The following ZFPM2 variants were observed in gnomAD, a reference collection of about 807,000 sequenced individuals.
ZFPM2 encodes zinc finger protein ZFPM2.
Under a neutral mutation model 98.6 loss-of-function variants are expected in ZFPM2, and 20 were observed. The ratio of observed to expected loss-of-function variants is 0.20; its 90% CI spans 0.14 to 0.29. The LOEUF (loss-of-function observed/expected upper bound fraction) is 0.29. Ranked by LOEUF, ZFPM2 falls within the 10% of genes least tolerant of loss-of-function variation. ZFPM2 has a pLI of 1.00. For synonymous variants in ZFPM2, 518 were observed against 502.7 expected (o/e 1.03, Z -0.41); for missense variants, 1,310 against 1,388.6 (o/e 0.94, Z 0.90).
At chr8:105,347,608 GAC>G (rs1812562946) in intron 1 of ZFPM2, among the ~76,000 whole-genome samples, 1 of 152,042 alleles carries the variant, frequency 6.6e-6, no homozygotes, top group African/African-American at 2.4e-5. Flanking sequence ...AGCCAGCAGT[GAC>G]ACACACAACC....
rs531741349 is a variant in ZFPM2, at chr8:105,658,306, C to T, written c.532+23949C>T. On this transcript the variant is annotated intron_variant, in intron 5 of 7. Coordinates refer to ENST00000407775, the MANE Select transcript of ZFPM2 (RefSeq NM_012082.4). ...GTCAGTCTTTAGAAATCAAAGCAGA[C>T]GGCCGGGCGCGGTGGCTCACGCCTG... Among the ~76,000 whole-genome samples, 5 of 123,170 alleles carry T rather than the reference C, an allele frequency of 4.1e-5. 2 individuals are homozygous for T. The highest frequency in any genetic ancestry group is 8.7e-5 in the Non-Finnish European group (5 of 57,666). The allele number at this position is 123,170 out of a possible 152,430, so 80.8% of individuals were successfully genotyped here.
At chr8:105,408,177 C>G (rs1219773840) in intron 1 of ZFPM2, among the ~76,000 whole-genome samples, 2 of 152,008 alleles carry the variant, frequency 1.3e-5, no homozygotes, top group Non-Finnish European at 2.9e-5. Context: ...CACACCCTAC[C>G]CGCTCTCCTA....
chr8:105,566,560 T>A (rs989984123), intron 4 of ZFPM2, among the ~76,000 whole-genome samples: 1 of 152,172 alleles, frequency 6.6e-6, no homozygotes, highest in African/African-American at 2.4e-5. Context: ...ATCCTTGCAA[T>A]AAACTAAATC....
At chr8:105,538,048 T>G (rs1414402386) in intron 3 of ZFPM2, among the ~76,000 whole-genome samples, 1 of 152,158 alleles carries the variant, frequency 6.6e-6, no homozygotes, top group Non-Finnish European at 1.5e-5. Flanking sequence ...TGCTAATAGA[T>G]GTATCACCCC....
intron 5 of ZFPM2, among the ~76,000 whole-genome samples, chr8:105,656,896 G>A (rs890757697): frequency 1.3e-5 from 2 of 152,160 alleles, no homozygotes; most frequent in Non-Finnish European, 2.9e-5. Context: ...AACAAAGAGA[G>A]TTTGGGAATC....
intron 4 of ZFPM2, among the ~76,000 whole-genome samples, chr8:105,626,707 T>C (rs1454202610): frequency 1.3e-5 from 2 of 152,184 alleles, no homozygotes; most frequent in Non-Finnish European, 2.9e-5. Context: ...ATATGCTTTA[T>C]AGCTGAGAGA....
chr8:105,378,400 C>T (rs768250858), intron 1 of ZFPM2, among the ~76,000 whole-genome samples: 1 of 152,168 alleles, frequency 6.6e-6, no homozygotes, highest in Admixed American at 6.5e-5. Flanking sequence ...CTTGTCTGAA[C>T]TCTCAGAAGG....
At chr8:105,455,988 A>C (rs1812581878) in intron 3 of ZFPM2, among the ~76,000 whole-genome samples, 2 of 152,110 alleles carry the variant, frequency 1.3e-5, no homozygotes, top group Non-Finnish European at 2.9e-5. Flanking sequence ...GAAATTGCCT[A>C]GTATAGAAAT....
intron 5 of ZFPM2, among the ~76,000 whole-genome samples, chr8:105,665,033 T>C (rs1161045541): frequency 6.6e-6 from 1 of 152,204 alleles, no homozygotes; most frequent in Non-Finnish European, 1.5e-5. Flanking sequence ...GAAGTTTATT[T>C]TGGCTCATGG....
At chr8:105,319,612 A>T (rs1221241143) in intron 1 of ZFPM2, 1 of 152,620 alleles carries the variant, frequency 6.6e-6, no homozygotes, top group African/African-American at 2.4e-5. Flanking sequence ...GGTGGCTGGC[A>T]GGTCGTGTCC....
chr8:105,663,898 T>G (rs977813125), intron 5 of ZFPM2, among the ~76,000 whole-genome samples: 1 of 152,230 alleles, frequency 6.6e-6, no homozygotes, highest in Admixed American at 6.5e-5. Context: ...AAGGTAATTA[T>G]GAGAAATTGG....
At chr8:105,410,785 A>G (rs1316982233) in intron 1 of ZFPM2, among the ~76,000 whole-genome samples, 1 of 151,908 alleles carries the variant, frequency 6.6e-6, no homozygotes, top group Non-Finnish European at 1.5e-5. Flanking sequence ...TTTATGCCAC[A>G]TAATATATAT....
At chr8:105,567,182 A>G (rs1240277179) in intron 4 of ZFPM2, among the ~76,000 whole-genome samples, 1 of 152,120 alleles carries the variant, frequency 6.6e-6, no homozygotes, top group Non-Finnish European at 1.5e-5. Flanking sequence ...CATATTGTAC[A>G]TATCCTGTAG....
In ZFPM2 at chr8:105,398,481, A is replaced by G. The variant is rs149212274; in HGVS notation, c.41-20663A>G. ...TTATTTTTTAGAATGGCAGTCCCCA[A>G]CCTTTTTGGCACAGGGACTGGTTTC... On this transcript the variant is annotated intron_variant, in intron 1 of 7. Transcript: ENST00000407775. Among the ~76,000 whole-genome samples, 491 of 152,224 alleles carry G rather than the reference A, an allele frequency of 3.2e-3. 3 individuals carry two copies. The highest frequency in any genetic ancestry group is 0.011 in the African/African-American group (469 of 41,538).
chr8:105,447,832 C>A (rs1421581159), intron 3 of ZFPM2, among the ~76,000 whole-genome samples: 1 of 152,034 alleles, frequency 6.6e-6, no homozygotes, highest in Admixed American at 6.6e-5. Context: ...TGAATCAACT[C>A]CCGTCTGACG....
At chr8:105,797,142 A>G (rs1813850316) in intron 6 of ZFPM2, 1 of 152,242 alleles carries the variant, frequency 6.6e-6, no homozygotes, top group African/African-American at 2.4e-5. Flanking sequence ...ATTATGGAAG[A>G]GTGATTAAGA....
At chr8:105,791,945 AT>A (rs1813625484) in intron 6 of ZFPM2, among the ~76,000 whole-genome samples, 2 of 152,052 alleles carry the variant, frequency 1.3e-5, no homozygotes, top group African/African-American at 4.8e-5. Context: ...TATCCCCTTT[AT>A]CATTTTTTAT....
In ZFPM2 at chr8:105,390,577, A is replaced by C. The variant is rs577492957; in HGVS notation, c.41-28567A>C. Among the ~76,000 whole-genome samples the C allele has an allele frequency of 9.0e-4, 137 of 152,252 alleles. 1 individual carries two copies. Among genetic ancestry groups the C allele is most frequent in the African/African-American group, 3.2e-3 (135 of 41,542 alleles). On this transcript the variant is annotated intron_variant, in intron 1 of 7. Transcript: ENST00000407775. ...CTCTTTGCCAACATGATTGAACTCG[A>C]TCTCCACTCCCCCGTATCCTCCTCT...
chr8:105,637,018 TC>T (rs1375980994), intron 5 of ZFPM2, among the ~76,000 whole-genome samples: 3 of 152,156 alleles, frequency 2.0e-5, no homozygotes, highest in Non-Finnish European at 4.4e-5. Context: ...TTGAGTGGGA[TC>T]AAGCATACAT....
Sources: gnomAD v4.1 joint callset for allele counts (sites outside exome capture counted in the v4.1 genomes callset) on GRCh38, gnomAD v4.1.1 for gene constraint, MANE v1.5 for transcripts, NCBI Gene and HGNC (gene_info 2026-07-23, HGNC 2026-07-21) for gene names.